KLK11: variants seen among roughly 807,000 people sequenced by gnomAD.
KLK11 encodes kallikrein-11.
A neutral mutation model predicts 23.4 loss-of-function variants in KLK11; 10 were observed. The ratio of observed to expected loss-of-function variants is 0.43; its 90% CI spans 0.26 to 0.73. The LOEUF (loss-of-function observed/expected upper bound fraction) is 0.73, where lower values mean the gene tolerates loss of function less well. KLK11 is among the 30% of genes least tolerant of loss of function. The pLI is 0.22. For synonymous variants in KLK11, 131 were observed against 131.7 expected, an observed-to-expected ratio of 0.99 and a Z score of 0.03; for missense variants, 285 against 327.8, an observed-to-expected ratio of 0.87 and a Z score of 1.01.
At chr19:51,027,321 C>T (rs1180186080), upstream of KLK11, 12 of 893,020 alleles carry the variant, frequency 1.3e-5, no homozygotes, top group East Asian at 9.8e-5. Context: ...CTGTGGAAGC[C>T]GAGTCCAGGA....
Position 51,024,528 on chromosome 19 carries a change from C to T in KLK11, c.197+110G>A. ...AGCCCATCAACCTTGCTGACACTAC[C>T]CATCCCCATCTCTAATCCCCTTACC... is the stretch of plus-strand genomic sequence containing the variant. On this transcript the variant is annotated intron_variant, in intron 3 of 5. Transcript: ENST00000453757. This position sits in a 1 kb window ranked among gnomAD's most constrained non-coding sequence, Gnocchi z 6.2. 2 of 1,290,910 alleles carry T rather than the reference C, an allele frequency of 1.5e-6. No individual in the cohort carries two copies. The highest frequency in any genetic ancestry group is 2.1e-6 in the Non-Finnish European group (2 of 962,706). 80.0% of individuals were successfully genotyped at this position (1,290,910 alleles called of 1,614,324 possible).
Position 51,023,140 on chromosome 19 carries a change from G to A in KLK11, c.552C>T (p.Asp184=), listed in dbSNP as rs2091427087. Residue 184 remains aspartate (D), a synonymous_variant, in exon 5 of 6, where the codon GAC becomes GAT. Transcript: ENST00000453757. ...CCTGCACGCTGGCACACACCATGGT[G>A]TCTGTGATGTTGCCGGGGTAGGCGT... is the stretch of plus-strand genomic sequence containing the variant. ...CENAYPGNIT[D]TMVCASVQEG... 4 of 1,613,234 alleles carry A rather than the reference G, an allele frequency of 2.5e-6. No homozygotes were observed. In the Admixed American group the frequency reaches 5.0e-5, roughly 20 times the overall value.
rs766636689 is a variant in KLK11 at position 51,022,513 on chromosome 19, G to A, written c.*32C>T. The A allele has an allele frequency of 3.7e-6, 6 of 1,613,688 alleles. No homozygotes were observed. Among genetic ancestry groups the A allele is most frequent in the Non-Finnish European group, 5.1e-6 (6 of 1,179,644 alleles). ...AGGAACCAAACACCAAGTGGAAATG[G>A]AGGGTGATGGGCTGTGGTGGGTGGG... On this transcript the variant is annotated 3_prime_UTR_variant, in exon 6 of 6. Transcript: ENST00000453757.
chr19:51,026,329 G>A lies in KLK11; in HGVS notation c.-36+209C>T, dbSNP rs569362375. Among the ~76,000 whole-genome samples, 6 of 152,118 alleles carry A rather than the reference G, an allele frequency of 3.9e-5. No homozygotes were observed. In the South Asian group the frequency reaches 1.2e-3, roughly 32 times the overall value. ...CAGCGGGGGTGGGAGCAGAGGGCCA[G>A]CTCAGCAGCTGAAGCCATGGAGATT... On this transcript the variant is annotated intron_variant, in intron 1 of 5. Coordinates refer to ENST00000453757, the MANE Select transcript of KLK11 (RefSeq NM_001136032.3).
rs762293192 is a variant in KLK11, at chr19:51,024,402, C to T, written c.198-92G>A. 1.9e-4 allele frequency: 298 copies of T among 1,547,572 alleles called. No individual in the cohort carries two copies. The highest frequency in any genetic ancestry group is 6.2e-4 in the African/African-American group (46 of 74,090). ...GACACCTTTGAGGATGAAGAAACAT[C>T]GCTCTGCTTCCAACCTCTTCCACGT... On this transcript the variant is annotated intron_variant, in intron 3 of 5. Transcript: ENST00000453757. This position sits in a 1 kb window ranked among gnomAD's most constrained non-coding sequence, Gnocchi z 6.2.
Position 51,025,165 on chromosome 19 carries a change from C to T in KLK11, c.41-371G>A, listed in dbSNP as rs549350151. ...CCTGTGGTCCCAGCTACCGGGGAAG[C>T]TGAGATGGCTTAAGGATCACTTAAG... On this transcript the variant is annotated intron_variant, in intron 2 of 5. Coordinates refer to ENST00000453757, the MANE Select transcript of KLK11 (RefSeq NM_001136032.3). The surrounding 1 kb of genome is among the most constrained non-coding windows in gnomAD (Gnocchi z 6.2). Among the ~76,000 whole-genome samples, 2 of 151,884 alleles carry T rather than the reference C, an allele frequency of 1.3e-5. No individual in the cohort carries two copies. Among genetic ancestry groups the T allele is most frequent in the African/African-American group, 4.8e-5 (2 of 41,336 alleles).
Position 51,025,999 on chromosome 19 carries a change from C to T in KLK11, c.-35-333G>A, listed in dbSNP as rs1470619580. ...GCCATGGGACCTCCCCGGCACATGT[C>T]AGAGGATGTTTTCCTTCTTGCCTTG... On this transcript the variant is annotated intron_variant, in intron 1 of 5. Transcript: ENST00000453757. The surrounding 1 kb of genome is among the most constrained non-coding windows in gnomAD (Gnocchi z 6.2). Among the ~76,000 whole-genome samples, 1 of 152,130 alleles carries T rather than the reference C, an allele frequency of 6.6e-6. No homozygotes were observed. The highest frequency in any genetic ancestry group is 2.4e-5 in the African/African-American group (1 of 41,420).
At chr19:51,027,412 C>T, upstream of KLK11, 1 of 1,600,982 alleles carries the variant, frequency 6.2e-7, no homozygotes, top group Non-Finnish European at 8.5e-7. Flanking sequence ...CCCCTGCCCG[C>T]TTCTCCCTGC....
At chr19:51,022,848 T>C (rs1600148861) in intron 5 of KLK11, 151 bp from the exon 6 acceptor site, 1 of 987,674 alleles carries the variant, frequency 1.0e-6, no homozygotes, top group East Asian at 2.5e-5. Flanking sequence ...GCTGGGATTA[T>C]GGGTGGGATA....
intron 5 of KLK11, 134 bp downstream of exon 5, chr19:51,022,958 G>C (rs554811906): frequency 9.4e-7 from 1 of 1,059,004 alleles, no homozygotes; most frequent in Non-Finnish European, 1.4e-6. Flanking sequence ...GGTCAGAAAC[G>C]GGAACAGGGG....
At chr19:51,027,769 G>T (rs1568574937), upstream of KLK11, 3 of 466,424 alleles carry the variant, frequency 6.4e-6, no homozygotes, top group Non-Finnish European at 1.2e-5. Context: ...CTGAGAGATG[G>T]GGGTGACAGA....
upstream of KLK11, chr19:51,027,142 G>A (rs1000324018): frequency 1.1e-4 from 34 of 319,448 alleles, no homozygotes; most frequent in East Asian, 1.7e-3. Context: ...TTTTCCTCCC[G>A]TCCCAGCCAC....
intron 4 of KLK11, 37 bp from the exon 5 acceptor site, chr19:51,023,265 C>T: frequency 6.2e-7 from 1 of 1,602,366 alleles, no homozygotes; most frequent in Middle Eastern, 2.2e-4. Flanking sequence ...GGAATGAGCC[C>T]CCTGCCACCT....
At chr19:51,023,477 C>T (rs751352642) in intron 4 of KLK11, 165 of 387,802 alleles carry the variant, frequency 4.3e-4, no homozygotes, top group Non-Finnish European at 6.5e-4. Flanking sequence ...CTCCGTCTCC[C>T]AAGTTTAAGC....
chr19:51,024,609 C>T lies in KLK11; in HGVS notation c.197+29G>A. On this transcript the variant is annotated intron_variant, in intron 3 of 5. Coordinates refer to ENST00000453757, the MANE Select transcript of KLK11 (RefSeq NM_001136032.3). This position sits in a 1 kb window ranked among gnomAD's most constrained non-coding sequence, Gnocchi z 6.2. ...CATCTCCCCATTCCCAGCCCCCCAC[C>T]CCGGCACCGCCCCAGCCCCCGCACC... 6.7e-7 allele frequency: 1 copy of T among 1,481,776 alleles called. No homozygotes were observed. The highest frequency in any genetic ancestry group is 9.0e-7 in the Non-Finnish European group (1 of 1,114,176). The allele number at this position is 1,481,776 out of a possible 1,614,324, so 91.8% of individuals were successfully genotyped here. A position where few individuals can be genotyped will look rare whatever the true frequency, so the allele number is the denominator to read the frequency against.
rs769314066 is a variant in KLK11 at position 51,025,638 on chromosome 19, G to A, written c.-7C>T. On this transcript the variant is annotated 5_prime_UTR_variant, in exon 2 of 6. Transcript: ENST00000453757. The surrounding 1 kb of genome is among the most constrained non-coding windows in gnomAD (Gnocchi z 6.2). ...TTAACTGCAGAATCCTCATGGCCTG[G>A]AGGGGGGAGGAGCGGGCCCCAGGTT... 1 of 1,587,598 alleles carries A rather than the reference G, an allele frequency of 6.3e-7. No individual in the cohort carries two copies. The highest frequency in any genetic ancestry group is 8.6e-7 in the Non-Finnish European group (1 of 1,166,970).
At position 51,025,516 on chromosome 19, in the gene KLK11, T is replaced by C. The variant is rs76090068; in HGVS notation, c.40+76A>G. The C allele has an allele frequency of 7.4e-4, 734 of 991,640 alleles. No homozygotes were observed. Among genetic ancestry groups the C allele is most frequent in the Non-Finnish European group, 1.0e-3 (702 of 688,856 alleles). 61.4% of individuals were successfully genotyped at this position (991,640 alleles called of 1,614,324 possible). On this transcript the variant is annotated intron_variant, in intron 2 of 5. Coordinates refer to ENST00000453757, the MANE Select transcript of KLK11 (RefSeq NM_001136032.3). This position sits in a 1 kb window ranked among gnomAD's most constrained non-coding sequence, Gnocchi z 6.2. ...TGTAATTTGGAATCAGCCCTGTCAC[T>C]GTCCAGACACAGAGGGTTAGGGGAT...
chr19:51,027,367 G>A, upstream of KLK11: 4 of 1,325,108 alleles, frequency 3.0e-6, no homozygotes, highest in South Asian at 3.5e-5. Flanking sequence ...TCCACCCCAG[G>A]GCTCCTCTGG....
chr19:51,023,027 A>G (rs897124188), intron 5 of KLK11, 65 bp downstream of exon 5: 1 of 1,518,200 alleles, frequency 6.6e-7, no homozygotes. Context: ...GAAATTGTGG[A>G]TGTCGGTAAA....
Sources: allele counts gnomAD v4.1 joint callset (sites outside exome capture counted in the v4.1 genomes callset), GRCh38; gene constraint gnomAD v4.1.1; non-coding constraint Gnocchi (gnomAD v3.1); transcripts MANE v1.5; gene names NCBI Gene and HGNC (gene_info 2026-07-23, HGNC 2026-07-21).